CYTH1: variants seen among roughly 807,000 people sequenced by gnomAD.
CYTH1 encodes the protein cytohesin-1.
In CYTH1, 18 loss-of-function variants were observed where a neutral mutation model predicts 61.8. The ratio of observed to expected loss-of-function variants is 0.29; its 90% CI spans 0.20 to 0.43. The LOEUF (loss-of-function observed/expected upper bound fraction) is 0.43. Among genes scored for constraint, CYTH1 ranks in the 20% least tolerant of loss-of-function variants. The probability of loss-of-function intolerance (pLI) is 1.00; values close to 1 mark genes in which losing one functional copy is unlikely to be tolerated. For missense variants in CYTH1, 336 were observed against 510.5 expected, an observed-to-expected ratio of 0.66 and a Z score of 3.29; for synonymous variants, 174 against 184.3, an observed-to-expected ratio of 0.94 and a Z score of 0.45.
chr17:78,757,360 G>A (rs2144695888), intron 1 of CYTH1, among the ~76,000 whole-genome samples: 1 of 152,218 alleles, frequency 6.6e-6, no homozygotes, highest in African/African-American at 2.4e-5. Flanking sequence ...AACAGGTCTT[G>A]GTTAGAGGTC....
At chr17:78,676,476 C>A in intron 13 of CYTH1, 1 of 362,778 alleles carries the variant, frequency 2.8e-6, no homozygotes, top group Non-Finnish European at 5.1e-6. Flanking sequence ...TATTCCAATT[C>A]AGAGAAAAAG....
intron 10 of CYTH1, among the ~76,000 whole-genome samples, chr17:78,693,138 C>T (rs1256402398): frequency 6.6e-6 from 1 of 152,142 alleles, no homozygotes; most frequent in Non-Finnish European, 1.5e-5. Context: ...AAGCAGAATT[C>T]CTCTATCAAG....
chr17:78,743,954 CT>C (rs996240503), intron 1 of CYTH1, among the ~76,000 whole-genome samples: 1 of 152,108 alleles, frequency 6.6e-6, no homozygotes, highest in African/African-American at 2.4e-5. Flanking sequence ...CTTATTTTTG[CT>C]TAGACTAGTT....
intron 1 of CYTH1, among the ~76,000 whole-genome samples, chr17:78,764,341 C>A (rs919190682): frequency 6.6e-6 from 1 of 151,282 alleles, no homozygotes; most frequent in South Asian, 2.1e-4. Flanking sequence ...GGACTACGGG[C>A]GCACCCCACC....
chr17:78,771,829 A>G (rs2093472596), intron 1 of CYTH1, among the ~76,000 whole-genome samples: 1 of 152,168 alleles, frequency 6.6e-6, no homozygotes. Flanking sequence ...TCAGTCACTA[A>G]AGAAAGCAGC....
chr17:78,773,045 C>G lies in CYTH1; in HGVS notation c.22+9157G>C, dbSNP rs115475388. Among the ~76,000 whole-genome samples the G allele has an allele frequency of 8.0e-3, 1,213 of 152,188 alleles. 17 individuals are homozygous for G. Among genetic ancestry groups the G allele is most frequent in the African/African-American group, 0.028 (1,144 of 41,530 alleles). ...ATGGGTTTTCACCATGTTGCCCAAG[C>G]TGCTCTTGTACTCCTGAGCTTAAGC... On this transcript the variant is annotated intron_variant, in intron 1 of 13. Transcript: ENST00000446868.
chr17:78,749,694 T>C lies in CYTH1; in HGVS notation c.22+32508A>G, dbSNP rs1224778461. On this transcript the variant is annotated intron_variant, in intron 1 of 13. Coordinates refer to ENST00000446868, the MANE Select transcript of CYTH1 (RefSeq NM_004762.6). ...AAAAAACCTAACTAAGCAGAAACCA[T>C]TGTTTAAAATCTAATTATCTTGCTT... Among the ~76,000 whole-genome samples, 7 of 152,088 alleles carry C rather than the reference T, an allele frequency of 4.6e-5. No individual in the cohort carries two copies. In the East Asian group the frequency reaches 1.2e-3, roughly 25 times the overall value.
chr17:78,745,998 A>G (rs2144654806), intron 1 of CYTH1, among the ~76,000 whole-genome samples: 1 of 152,354 alleles, frequency 6.6e-6, no homozygotes, highest in African/African-American at 2.4e-5. Context: ...TATATTCACC[A>G]GTACTGATTT....
At chr17:78,727,671 C>T (rs1429427580) in intron 1 of CYTH1, 1 of 471,120 alleles carries the variant, frequency 2.1e-6, no homozygotes, top group Non-Finnish European at 4.4e-6. Flanking sequence ...CAGGGCAAGG[C>T]TGGAGCAGGC....
At chr17:78,747,316 T>C (rs1446981806) in intron 1 of CYTH1, among the ~76,000 whole-genome samples, 2 of 151,788 alleles carry the variant, frequency 1.3e-5, no homozygotes, top group Admixed American at 1.3e-4. Flanking sequence ...TTTAAGAAAA[T>C]GCACACTCTC....
At chr17:78,696,045 C>A (rs750755284) in intron 9 of CYTH1, 36 bp from the exon 10 acceptor site, 3 of 1,367,684 alleles carry the variant, frequency 2.2e-6, no homozygotes. Context: ...GAGCCAAAAT[C>A]ATGGAAACAT....
rs537905056 is a variant in CYTH1, at chr17:78,781,110, C to T, written c.22+1092G>A. On this transcript the variant is annotated intron_variant, in intron 1 of 13. Transcript: ENST00000446868. ...TGGTTCCAGCCACTCAAGAGGCTGACGTGAGCTACGATCACGCCACTGTGC... is the reference window on the plus strand; with the variant it reads ...TGGTTCCAGCCACTCAAGAGGCTGATGTGAGCTACGATCACGCCACTGTGC... Among the ~76,000 whole-genome samples, 293 of 150,942 alleles carry T rather than the reference C, an allele frequency of 1.9e-3. 4 individuals carry two copies. Among genetic ancestry groups the T allele is most frequent in the African/African-American group, 6.7e-3 (275 of 41,124 alleles).
At chr17:78,728,519 G>T (rs1227512367) in intron 1 of CYTH1, among the ~76,000 whole-genome samples, 1 of 151,736 alleles carries the variant, frequency 6.6e-6, no homozygotes, top group South Asian at 2.1e-4. Flanking sequence ...TTGCACTCCA[G>T]CCTGGGTAAT....
At chr17:78,706,900 C>T (rs2144370582) in intron 3 of CYTH1, among the ~76,000 whole-genome samples, 2 of 152,268 alleles carry the variant, frequency 1.3e-5, no homozygotes, top group South Asian at 4.1e-4. Flanking sequence ...CTTATTTGGG[C>T]TGCCTTTCTA....
At chr17:78,739,889 T>G (rs2093335364) in intron 1 of CYTH1, among the ~76,000 whole-genome samples, 1 of 152,076 alleles carries the variant, frequency 6.6e-6, no homozygotes, top group Non-Finnish European at 1.5e-5. Context: ...AAGTCAAGGG[T>G]GACTCCGAGC....
intron 1 of CYTH1, among the ~76,000 whole-genome samples, chr17:78,754,071 G>A (rs1157624809): frequency 2.0e-5 from 3 of 152,084 alleles, no homozygotes; most frequent in Non-Finnish European, 1.5e-5. Context: ...GGGTCAAAGT[G>A]GCCGTTGTGT....
At position 78,700,295 on chromosome 17, in the gene CYTH1, C is replaced by A; in HGVS notation, c.550+36G>T. 1 of 1,533,150 alleles carries A rather than the reference C, an allele frequency of 6.5e-7. No individual in the cohort carries two copies. Among genetic ancestry groups the A allele is most frequent in the Admixed American group, 2.0e-5 (1 of 50,684 alleles). 95.0% of individuals were successfully genotyped at this position (1,533,150 alleles called of 1,614,324 possible). On this transcript the variant is annotated intron_variant, in intron 7 of 13. Transcript: ENST00000446868. The surrounding 1 kb of genome is among the most constrained non-coding windows in gnomAD (Gnocchi z 5.1). ...GCCAAGAAAATAATCCAGTGTAAAACGCCCATCATAAACTAGGATGAATGA... is the reference window on the plus strand; with the variant it reads ...GCCAAGAAAATAATCCAGTGTAAAAAGCCCATCATAAACTAGGATGAATGA...
intron 1 of CYTH1, among the ~76,000 whole-genome samples, chr17:78,764,599 T>C (rs756870455): frequency 1.3e-5 from 2 of 152,210 alleles, no homozygotes; most frequent in Non-Finnish European, 2.9e-5. Flanking sequence ...ACCAGGCTTA[T>C]ATATAAACCC....
chr17:78,719,029 C>T (rs2093206471), intron 1 of CYTH1, among the ~76,000 whole-genome samples: 1 of 152,210 alleles, frequency 6.6e-6, no homozygotes, highest in African/African-American at 2.4e-5. Context: ...CTGGAAGCAT[C>T]CACTGAGAAG....
Sources: allele counts gnomAD v4.1 joint callset (sites outside exome capture counted in the v4.1 genomes callset), GRCh38; gene constraint gnomAD v4.1.1; non-coding constraint Gnocchi (gnomAD v3.1); transcripts MANE v1.5; gene names NCBI Gene and HGNC (gene_info 2026-07-23, HGNC 2026-07-21).